Variants in RHCE observed in about 807,000 individuals in gnomAD.
RHCE encodes blood group Rh(CE) polypeptide.
A neutral mutation model predicts 43.8 loss-of-function variants in RHCE; 22 were observed. The ratio of observed to expected loss-of-function variants is 0.50; its 90% CI spans 0.36 to 0.72. The LOEUF is 0.72. RHCE is among the 30% of genes least tolerant of loss of function. RHCE has a pLI of 0.00. For synonymous variants in RHCE, 156 were observed against 210.7 expected, an observed-to-expected ratio of 0.74 and a Z score of 2.25; for missense variants, 385 against 525.4, an observed-to-expected ratio of 0.73 and a Z score of 2.61.
upstream of RHCE, among the ~76,000 whole-genome samples, chr1:25,425,143 C>T (rs1405328031): frequency 6.6e-6 from 1 of 152,144 alleles, no homozygotes; most frequent in African/African-American, 2.4e-5. Flanking sequence ...TCTGCTTTCC[C>T]CTATGAGAAT....
chr1:25,411,974 C>T (rs1056121188), intron 1 of RHCE, among the ~76,000 whole-genome samples: 1 of 152,156 alleles, frequency 6.6e-6, no homozygotes, highest in Non-Finnish European at 1.5e-5. Context: ...TTCCATTTTC[C>T]TCTCATTTTA....
At chr1:25,416,819 C>CGGT (rs1553161327) in intron 1 of RHCE, among the ~76,000 whole-genome samples, 1 of 116,794 alleles carries the variant, frequency 8.6e-6, no homozygotes, top group African/African-American at 3.9e-5. Context: ...TTAGAGATGG[C>CGGT]GGGGGGGGGT....
chr1:25,374,278 AG>A (rs1198935574), intron 8 of RHCE, among the ~76,000 whole-genome samples: 2 of 151,788 alleles, frequency 1.3e-5, no homozygotes, highest in Non-Finnish European at 2.9e-5. Context: ...TAGTAGAGAC[AG>A]GGTTTCACCA....
At chr1:25,404,251 C>T (rs181979730) in intron 2 of RHCE, among the ~76,000 whole-genome samples, 88 of 149,824 alleles carry the variant, frequency 5.9e-4, no homozygotes, top group African/African-American at 2.1e-3. Flanking sequence ...CAGAGGGTCA[C>T]GTAGAGGATT....
At chr1:25,373,898 A>G (rs1645693751) in intron 8 of RHCE, among the ~76,000 whole-genome samples, 1 of 149,368 alleles carries the variant, frequency 6.7e-6, no homozygotes, top group South Asian at 2.1e-4. Context: ...TTGGCTCACT[A>G]TAACCTCCAC....
chr1:25,415,593 G>A (rs1267000549), intron 1 of RHCE, among the ~76,000 whole-genome samples: 3 of 152,206 alleles, frequency 2.0e-5, no homozygotes, highest in East Asian at 1.9e-4. Context: ...CGGAGGTTGC[G>A]GTGAGCCAAG....
intron 7 of RHCE, chr1:25,385,494 G>A: frequency 1.4e-6 from 1 of 699,030 alleles, no homozygotes; most frequent in Non-Finnish European, 2.5e-6. Context: ...TACCTAGGTG[G>A]TCCTATTTGG....
intron 1 of RHCE, among the ~76,000 whole-genome samples, chr1:25,413,076 G>C (rs1050866990): frequency 6.6e-6 from 1 of 152,090 alleles, no homozygotes; most frequent in African/African-American, 2.4e-5. Context: ...GGCTTTATCG[G>C]GCACAGCTGC....
At chr1:25,367,872 G>T (rs1645473565) in intron 9 of RHCE, among the ~76,000 whole-genome samples, 1 of 149,836 alleles carries the variant, frequency 6.7e-6, no homozygotes, top group Non-Finnish European at 1.5e-5. Context: ...TACTCAGGAG[G>T]CTGAGGGGGG....
chr1:25,382,018 C>A (rs1292250884), intron 7 of RHCE, among the ~76,000 whole-genome samples: 7 of 151,204 alleles, frequency 4.6e-5, no homozygotes, highest in African/African-American at 1.7e-4. Flanking sequence ...CATGGTGCCA[C>A]CATCTGGTGA....
chr1:25,419,787 A>C, intron 1 of RHCE: 1 of 125,738 alleles, frequency 8.0e-6, no homozygotes, highest in African/African-American at 3.3e-5. Flanking sequence ...CAGCATGCAG[A>C]CTTCCCAGCC....
chr1:25,421,227 A>AT (rs1174783675), upstream of RHCE, among the ~76,000 whole-genome samples: 1 of 151,796 alleles, frequency 6.6e-6, no homozygotes, highest in Non-Finnish European at 1.5e-5. Context: ...ACCTTACTAC[A>AT]TGACAGAGAG....
At chr1:25,381,602 G>A (rs1646005371) in intron 7 of RHCE, among the ~76,000 whole-genome samples, 1 of 152,012 alleles carries the variant, frequency 6.6e-6, no homozygotes, top group Non-Finnish European at 1.5e-5. Flanking sequence ...GATTACAGGT[G>A]TGCGCCAGAG....
At chr1:25,417,804 G>T (rs796798821) in intron 1 of RHCE, among the ~76,000 whole-genome samples, 3 of 152,252 alleles carry the variant, frequency 2.0e-5, no homozygotes, top group African/African-American at 7.2e-5. Flanking sequence ...ACCATCAGAA[G>T]GTTGAAGCCC....
chr1:25,411,619 C>A (rs1299166521), intron 1 of RHCE: 18 of 563,812 alleles, frequency 3.2e-5, no homozygotes, highest in Non-Finnish European at 3.6e-5. Flanking sequence ...GGATTCAACT[C>A]TTTGCACTTC....
intron 3 of RHCE, among the ~76,000 whole-genome samples, chr1:25,394,717 C>A (rs1646488856): frequency 6.6e-6 from 1 of 152,076 alleles, no homozygotes; most frequent in Admixed American, 6.6e-5. Flanking sequence ...GGTAAAAAGC[C>A]CTCAGTCATA....
At chr1:25,396,870 T>G (rs1646557989) in intron 3 of RHCE, among the ~76,000 whole-genome samples, 4 of 151,494 alleles carry the variant, frequency 2.6e-5, no homozygotes, top group Non-Finnish European at 5.9e-5. Context: ...TCTCAGCAAT[T>G]TGGGAGGCTG....
intron 8 of RHCE, among the ~76,000 whole-genome samples, chr1:25,372,476 G>A (rs534883565): frequency 4.0e-5 from 6 of 150,948 alleles, no homozygotes; most frequent in South Asian, 2.1e-4. Context: ...CCGAGATAGC[G>A]CCATTGCACT....
Position 25,390,794 on chromosome 1 carries a change from G to A in RHCE, c.756C>T (p.Ala252=). The A allele has an allele frequency of 1.9e-6, 3 of 1,614,230 alleles. No homozygotes were observed. The highest frequency in any genetic ancestry group is 2.5e-6 in the Non-Finnish European group (3 of 1,180,034). The change falls in exon 5 of 10, where the codon GCC becomes GCT. Residue 252 remains alanine (A), a synonymous_variant. Transcript: ENST00000294413. ...YYALAVSVVT[A]ISGSSLAHPQ... ...GGTGAGCCAAGGATGACCCTGAGAT[G>A]GCTGTCACCACACTGACTGCTAGAG...
Sources: allele counts gnomAD v4.1 joint callset (sites outside exome capture counted in the v4.1 genomes callset), GRCh38; gene constraint gnomAD v4.1.1; transcripts MANE v1.5; gene names NCBI Gene and HGNC (gene_info 2026-07-23, HGNC 2026-07-21).